The following SCRG1 variants were observed in gnomAD, a reference collection of about 807,000 sequenced individuals.
SCRG1 encodes scrapie-responsive protein 1.
A neutral mutation model predicts 7.7 loss-of-function variants in SCRG1; 3 were observed. The observed-to-expected ratio is 0.39, with a 90% CI of 0.18 to 1.01. The LOEUF (loss-of-function observed/expected upper bound fraction) is 1.01. Ranked by LOEUF, SCRG1 falls within the 50% of genes least tolerant of loss-of-function variation. The pLI is 0.36. For missense variants in SCRG1, 110 were observed against 117.2 expected (o/e 0.94, Z 0.28); for synonymous variants, 46 against 41.2 (o/e 1.12, Z -0.44).
chr4:173,485,009 A>AATATATAATATATT, the SCRG1 span, among the ~76,000 whole-genome samples: 18 of 10,204 alleles, frequency 1.8e-3, 3 homozygotes, highest in African/African-American at 4.5e-3. Context: ...TTATAAATAT[A>AATATATAATATATT]ATATATAATA....
chr4:173,435,118 A>ATGTATG, the SCRG1 span, among the ~76,000 whole-genome samples: 32 of 151,300 alleles, frequency 2.1e-4, no homozygotes, highest in Admixed American at 1.4e-3. Context: ...ATATATATCT[A>ATGTATG]TGTGTGTGTG....
chr4:173,486,500 T>A, the SCRG1 span, among the ~76,000 whole-genome samples: 1 of 152,160 alleles, frequency 6.6e-6, no homozygotes, highest in Non-Finnish European at 1.5e-5. Context: ...TTCTCACATA[T>A]TCTTGACAGA....
chr4:173,511,163 G>T, the SCRG1 span, among the ~76,000 whole-genome samples: 7 of 152,068 alleles, frequency 4.6e-5, no homozygotes, highest in African/African-American at 1.7e-4. This position sits in a 1 kb window ranked among gnomAD's most constrained non-coding sequence, Gnocchi z 5.2. Flanking sequence ...AGACGGGGTG[G>T]GGGGGTGTTT....
the SCRG1 span, among the ~76,000 whole-genome samples, chr4:173,439,116 C>T: frequency 1.3e-5 from 2 of 152,074 alleles, no homozygotes; most frequent in Non-Finnish European, 2.9e-5. Context: ...AGTTCAGGCC[C>T]CTTGGAAACA....
chr4:173,429,154 A>G, the SCRG1 span, among the ~76,000 whole-genome samples: 1 of 152,238 alleles, frequency 6.6e-6, no homozygotes, highest in Non-Finnish European at 1.5e-5. Flanking sequence ...TAAGATCTAA[A>G]TCCTGATTTC....
At chr4:173,466,377 T>C in the SCRG1 span, among the ~76,000 whole-genome samples, 2 of 152,180 alleles carry the variant, frequency 1.3e-5, no homozygotes, top group Non-Finnish European at 1.5e-5. Context: ...AATTTTTCAG[T>C]CTACAGAAAG....
the SCRG1 span, among the ~76,000 whole-genome samples, chr4:173,474,289 G>T: frequency 6.6e-6 from 1 of 152,150 alleles, no homozygotes; most frequent in African/African-American, 2.4e-5. Flanking sequence ...TTTTCCAATT[G>T]ATGGGAATAC....
At chr4:173,419,217 GA>G in the SCRG1 span, 2 of 452,784 alleles carry the variant, frequency 4.4e-6, no homozygotes, top group Non-Finnish European at 4.1e-6. Context: ...GTCTTTATCT[GA>G]AAAATCCTCA....
the SCRG1 span, among the ~76,000 whole-genome samples, chr4:173,420,613 G>A: frequency 1.3e-5 from 2 of 151,894 alleles, no homozygotes; most frequent in Admixed American, 6.6e-5. Context: ...CAATTTGGCG[G>A]TAGTGATTAG....
At chr4:173,444,189 G>A in the SCRG1 span, among the ~76,000 whole-genome samples, 1 of 152,184 alleles carries the variant, frequency 6.6e-6, no homozygotes, top group East Asian at 1.9e-4. Flanking sequence ...GGCCAGGCTG[G>A]TCTGAAACTC....
At chr4:173,444,193 G>C in the SCRG1 span, among the ~76,000 whole-genome samples, 140,485 of 152,124 alleles carry the variant, frequency 0.92, 65,713 homozygotes, top group Non-Finnish European at 0.99. Context: ...AGGCTGGTCT[G>C]AAACTCCTGA....
At chr4:173,489,969 T>G in the SCRG1 span, among the ~76,000 whole-genome samples, 13 of 152,286 alleles carry the variant, frequency 8.5e-5, no homozygotes, top group African/African-American at 3.1e-4. Context: ...TGCATTTGGG[T>G]TCTAAGAAAA....
chr4:173,510,771 C>A, the SCRG1 span, among the ~76,000 whole-genome samples: 17 of 152,160 alleles, frequency 1.1e-4, no homozygotes, highest in Admixed American at 6.5e-4. The surrounding 1 kb of genome is among the most constrained non-coding windows in gnomAD (Gnocchi z 5.7). Context: ...ATCCCGCCTC[C>A]GCAGTCGATA....
chr4:173,460,562 T>G, the SCRG1 span, among the ~76,000 whole-genome samples: 5 of 152,198 alleles, frequency 3.3e-5, 1 homozygote, highest in South Asian at 1.0e-3. Flanking sequence ...AGACACACCC[T>G]GGTCCAGAAG....
chr4:173,483,198 ATT>A, the SCRG1 span, among the ~76,000 whole-genome samples: 1 of 117,014 alleles, frequency 8.5e-6, no homozygotes, highest in Non-Finnish European at 1.7e-5. Context: ...TATGATATAT[ATT>A]ATATGATATA....
At chr4:173,398,637 T>C (rs1438352421) in intron 1 of SCRG1, among the ~76,000 whole-genome samples, 1 of 152,266 alleles carries the variant, frequency 6.6e-6, no homozygotes, top group African/African-American at 2.4e-5. Context: ...AAAAAACATT[T>C]TCTTTCTTAG....
At chr4:173,481,133 C>T in the SCRG1 span, among the ~76,000 whole-genome samples, 1 of 152,108 alleles carries the variant, frequency 6.6e-6, no homozygotes, top group Admixed American at 6.6e-5. Flanking sequence ...CCTCAAGTGT[C>T]AACAACAGCA....
chr4:173,433,575 T>C, the SCRG1 span, among the ~76,000 whole-genome samples: 2 of 152,162 alleles, frequency 1.3e-5, no homozygotes, highest in African/African-American at 4.8e-5. Context: ...GTGAGCTTCC[T>C]CTTAGGATGC....
the SCRG1 span, among the ~76,000 whole-genome samples, chr4:173,424,536 C>T: frequency 6.6e-6 from 1 of 152,174 alleles, no homozygotes; most frequent in Non-Finnish European, 1.5e-5. Flanking sequence ...GATCATTGCT[C>T]TAAAGAGCAA....
Sources: allele counts gnomAD v4.1 joint callset (sites outside exome capture counted in the v4.1 genomes callset), GRCh38; gene constraint gnomAD v4.1.1; non-coding constraint Gnocchi (gnomAD v3.1); transcripts MANE v1.5; gene names NCBI Gene and HGNC (gene_info 2026-07-23, HGNC 2026-07-21).